Variants in CTNNA3 observed in about 807,000 individuals in gnomAD.
CTNNA3 encodes the protein catenin alpha-3.
In CTNNA3, 76 loss-of-function variants were observed where a neutral mutation model predicts 95.7. The observed-to-expected ratio is 0.79, with a 90% CI of 0.66 to 0.96. The LOEUF (loss-of-function observed/expected upper bound fraction) is 0.96. Among genes scored for constraint, CTNNA3 ranks in the 40% least tolerant of loss-of-function variants. The pLI, the probability that CTNNA3 is intolerant of heterozygous loss-of-function variation, is 0.00. For synonymous variants in CTNNA3, 431 were observed against 374.4 expected, an observed-to-expected ratio of 1.15 and a Z score of -1.74; for missense variants, 1,191 against 1,089.8, an observed-to-expected ratio of 1.09 and a Z score of -1.31.
chr10:67,496,276 C>T (rs900601077), intron 5 of CTNNA3, among the ~76,000 whole-genome samples: 1 of 152,034 alleles, frequency 6.6e-6, no homozygotes. Flanking sequence ...ATAGACTGGC[C>T]TCACACACTG....
rs1469584008 is a variant in CTNNA3, at chr10:65,919,255, T to C, written c.*1075A>G. 6.6e-6 allele frequency: 1 copy of C among 152,132 alleles called. No homozygotes were observed. The highest frequency in any genetic ancestry group is 1.5e-5 in the Non-Finnish European group (1 of 68,014). 9.4% of individuals were successfully genotyped at this position (152,132 alleles called of 1,614,324 possible). A position where few individuals can be genotyped will look rare whatever the true frequency, so the allele number is the denominator to read the frequency against. On this transcript the variant is annotated 3_prime_UTR_variant, in exon 18 of 18. Transcript: ENST00000433211. ...CTCAACTAGGAATGAACACAGTGAC[T>C]GGAGTTGTAAAATGACCCCAGTGAC...
At chr10:67,030,492 CA>C (rs1168434450) in intron 7 of CTNNA3, among the ~76,000 whole-genome samples, 1 of 151,772 alleles carries the variant, frequency 6.6e-6, no homozygotes, top group Non-Finnish European at 1.5e-5. Context: ...CACACCCACA[CA>C]AAAAATATAT....
At chr10:67,176,890 T>C (rs372909413) in intron 7 of CTNNA3, 27 of 485,586 alleles carry the variant, frequency 5.6e-5, no homozygotes, top group Non-Finnish European at 1.1e-4. Context: ...GCAAAAATAA[T>C]GGACTCTTCC....
chr10:66,691,935 G>A (rs1365581470), intron 9 of CTNNA3, among the ~76,000 whole-genome samples: 2 of 144,934 alleles, frequency 1.4e-5, no homozygotes, highest in Non-Finnish European at 3.0e-5. Context: ...CAAACAGAAA[G>A]GACATCCACA....
intron 5 of CTNNA3, among the ~76,000 whole-genome samples, chr10:67,297,375 C>T (rs1374991755): frequency 6.6e-6 from 1 of 152,174 alleles, no homozygotes; most frequent in Non-Finnish European, 1.5e-5. Flanking sequence ...ATATTGATAC[C>T]TTAGGACATC....
chr10:67,644,827 C>T lies in CTNNA3; in HGVS notation c.99+2588G>A, dbSNP rs540518473. Among the ~76,000 whole-genome samples, 5 of 152,056 alleles carry T rather than the reference C, an allele frequency of 3.3e-5. No individual in the cohort carries two copies. The East Asian group carries it at 9.7e-4, about 29-fold the overall frequency. The stretch of plus-strand genomic sequence containing the variant: ...CATAAAATCATTTTTATACCTGAGA[C>T]GTTGATGTTTTATACCAAAGTACTT... On this transcript the variant is annotated intron_variant, in intron 2 of 17. Transcript: ENST00000433211.
intron 5 of CTNNA3, among the ~76,000 whole-genome samples, chr10:67,279,341 T>C (rs1009163974): frequency 2.0e-5 from 3 of 152,158 alleles, no homozygotes; most frequent in Admixed American, 6.5e-5. Flanking sequence ...CTCAATCAAT[T>C]TGGAAGTTTA....
At chr10:67,225,205 G>C (rs968284007) in intron 5 of CTNNA3, among the ~76,000 whole-genome samples, 1 of 152,128 alleles carries the variant, frequency 6.6e-6, no homozygotes, top group Non-Finnish European at 1.5e-5. Flanking sequence ...ACCCCCTACA[G>C]CAGCCACAGC....
intron 5 of CTNNA3, among the ~76,000 whole-genome samples, chr10:67,234,554 T>C (rs2132311171): frequency 1.3e-5 from 2 of 152,174 alleles, no homozygotes; most frequent in South Asian, 4.1e-4. Flanking sequence ...ACAGCCAATA[T>C]CATACTGAAT....
intron 11 of CTNNA3, among the ~76,000 whole-genome samples, chr10:66,467,839 T>C (rs967299480): frequency 6.6e-6 from 1 of 152,054 alleles, no homozygotes; most frequent in African/African-American, 2.4e-5. Flanking sequence ...TCATTTTACT[T>C]TGGTGATATG....
intron 11 of CTNNA3, among the ~76,000 whole-genome samples, chr10:66,487,238 T>G (rs896284202): frequency 1.4e-4 from 18 of 124,328 alleles, no homozygotes; most frequent in Non-Finnish European, 2.4e-4. Flanking sequence ...ATCTCACTCT[T>G]TCGCCCAGGC....
chr10:67,498,669 C>T (rs1205071613), intron 5 of CTNNA3, among the ~76,000 whole-genome samples: 1 of 152,024 alleles, frequency 6.6e-6, no homozygotes, highest in Non-Finnish European at 1.5e-5. Flanking sequence ...AAGTTTTATT[C>T]CTAGGTATTT....
intron 13 of CTNNA3, among the ~76,000 whole-genome samples, chr10:66,181,244 T>C (rs1286661490): frequency 1.3e-5 from 2 of 152,206 alleles, no homozygotes; most frequent in Non-Finnish European, 2.9e-5. Context: ...ATCTTTTAGT[T>C]CAATCACATT....
rs150851405 is a variant in CTNNA3, at chr10:65,958,439, G to A, written c.2400+8173C>T. Among the ~76,000 whole-genome samples, 70 of 152,276 alleles carry A rather than the reference G, an allele frequency of 4.6e-4. 1 individual carries two copies. Among genetic ancestry groups the A allele is most frequent in the Middle Eastern group, 3.4e-3 (1 of 294 alleles). On this transcript the variant is annotated intron_variant, in intron 17 of 17. Transcript: ENST00000433211. Reference sequence around the variant, plus strand: ...AGCTTTGTTCCATTGCTGGTGAGGCGCTGCGTTCCTTTGTAGGAGAAGAGA... The same window carrying A: ...AGCTTTGTTCCATTGCTGGTGAGGCACTGCGTTCCTTTGTAGGAGAAGAGA...
chr10:66,975,332 T>C (rs1849969316), intron 7 of CTNNA3, among the ~76,000 whole-genome samples: 1 of 152,178 alleles, frequency 6.6e-6, no homozygotes, highest in African/African-American at 2.4e-5. Flanking sequence ...CTGCTGTCTT[T>C]TGCAAAGTAT....
chr10:66,240,398 C>T (rs75566871), intron 13 of CTNNA3, among the ~76,000 whole-genome samples: 9 of 151,984 alleles, frequency 5.9e-5, no homozygotes, highest in African/African-American at 1.4e-4. Flanking sequence ...GTATCATCCA[C>T]ATGTTTTCAT....
intron 12 of CTNNA3, among the ~76,000 whole-genome samples, chr10:66,282,827 C>A (rs1414988648): frequency 6.6e-6 from 1 of 151,764 alleles, no homozygotes. Context: ...TGAAGCTTTT[C>A]TTTGTTTATA....
intron 2 of CTNNA3, among the ~76,000 whole-genome samples, chr10:67,609,516 A>C (rs1049745801): frequency 6.6e-6 from 1 of 151,534 alleles, no homozygotes; most frequent in African/African-American, 2.4e-5. Flanking sequence ...CTGCCCTCCT[A>C]CCCTCCTCCC....
intron 5 of CTNNA3, among the ~76,000 whole-genome samples, chr10:67,272,136 A>G (rs1430759124): frequency 6.6e-6 from 1 of 152,210 alleles, no homozygotes. Flanking sequence ...CTAACTTTAA[A>G]TGCACTACTA....
Sources: gnomAD v4.1 joint callset for allele counts (sites outside exome capture counted in the v4.1 genomes callset) on GRCh38, gnomAD v4.1.1 for gene constraint, MANE v1.5 for transcripts, NCBI Gene and HGNC (gene_info 2026-07-23, HGNC 2026-07-21) for gene names.